ZNF451: variants seen among roughly 807,000 people sequenced by gnomAD.
ZNF451 encodes E3 SUMO-protein ligase ZNF451.
In ZNF451, 80 loss-of-function variants were observed where a neutral mutation model predicts 107.1. The ratio of observed to expected loss-of-function variants is 0.75; its 90% CI spans 0.62 to 0.90. ZNF451 has a LOEUF of 0.90. Among genes scored for constraint, ZNF451 ranks in the 40% least tolerant of loss-of-function variants. The pLI is 0.00. For synonymous variants in ZNF451, 362 were observed against 406.5 expected (o/e 0.89, Z 1.32); for missense variants, 1,107 against 1,236.2 (o/e 0.90, Z 1.57).
chr6:57,096,333 C>G (rs1285017119), intron 2 of ZNF451, among the ~76,000 whole-genome samples: 1 of 151,266 alleles, frequency 6.6e-6, no homozygotes, highest in African/African-American at 2.4e-5. Flanking sequence ...TAGAGGCGCC[C>G]ACCACCATGC....
chr6:57,118,320 G>C (rs1458342144), intron 3 of ZNF451, among the ~76,000 whole-genome samples: 1 of 151,960 alleles, frequency 6.6e-6, no homozygotes, highest in East Asian at 1.9e-4. Context: ...TTTTGTTAAA[G>C]TTTAAAACCT....
At chr6:57,113,243 G>C (rs912450981) in intron 3 of ZNF451, among the ~76,000 whole-genome samples, 2 of 150,918 alleles carry the variant, frequency 1.3e-5, no homozygotes, top group African/African-American at 4.9e-5. Flanking sequence ...GCAGTATTTG[G>C]TTTTCTGTTC....
chr6:57,168,393 AGT>A, intron 14 of ZNF451, 28 bp from the exon 15 acceptor site: 1 of 1,530,236 alleles, frequency 6.5e-7, no homozygotes, highest in Non-Finnish European at 9.0e-7. Context: ...TTCTGCCCTA[AGT>A]GTTAAAATTC....
chr6:57,150,958 A>C, intron 11 of ZNF451, 96 bp downstream of exon 11: 1 of 1,369,964 alleles, frequency 7.3e-7, no homozygotes. Flanking sequence ...TGGATAGAAC[A>C]TAGGAACATA....
At chr6:57,167,182 TACACACAC>T (rs397975599) in intron 14 of ZNF451, among the ~76,000 whole-genome samples, 1 of 149,838 alleles carries the variant, frequency 6.7e-6, no homozygotes, top group African/African-American at 2.5e-5. Flanking sequence ...CGTATATATA[TACACACAC>T]ACACACACAC....
At chr6:57,150,500 A>G in intron 10 of ZNF451, 1 of 395,098 alleles carries the variant, frequency 2.5e-6, no homozygotes, top group Non-Finnish European at 4.4e-6. Context: ...AGAAGGATAT[A>G]TAACCAAAAT....
chr6:57,144,265 G>T (rs1156342469), intron 9 of ZNF451, among the ~76,000 whole-genome samples: 1 of 141,568 alleles, frequency 7.1e-6, no homozygotes, highest in African/African-American at 2.7e-5. Flanking sequence ...TTTAAAGATA[G>T]GGTCTCTGTC....
At chr6:57,134,980 G>A in intron 7 of ZNF451, 110 bp downstream of exon 7, 2 of 855,282 alleles carry the variant, frequency 2.3e-6, no homozygotes, top group Non-Finnish European at 1.7e-6. Context: ...ATACACATAA[G>A]TATCAAAACT....
chr6:57,109,119 A>T, intron 3 of ZNF451: 3 of 985,410 alleles, frequency 3.0e-6, no homozygotes, highest in Non-Finnish European at 3.6e-6. Flanking sequence ...CACTTGTCAC[A>T]TCAGGAACCC....
chr6:57,113,865 C>T (rs1205449009), intron 3 of ZNF451, among the ~76,000 whole-genome samples: 1 of 152,124 alleles, frequency 6.6e-6, no homozygotes, highest in Non-Finnish European at 1.5e-5. Flanking sequence ...TCGTGATCTG[C>T]CCACCTCGGC....
At chr6:57,130,455 C>T (rs1486276584) in intron 5 of ZNF451, among the ~76,000 whole-genome samples, 2 of 152,056 alleles carry the variant, frequency 1.3e-5, no homozygotes, top group Non-Finnish European at 2.9e-5. Context: ...TAAACAGATG[C>T]CTACACCTTA....
chr6:57,150,148 T>C (rs776017593), intron 10 of ZNF451, among the ~76,000 whole-genome samples: 29 of 151,998 alleles, frequency 1.9e-4, no homozygotes, highest in Non-Finnish European at 3.1e-4. Flanking sequence ...CAAGAAGATG[T>C]GTTTATAGGG....
chr6:57,106,977 A>C lies in ZNF451; in HGVS notation c.186+7836A>C, dbSNP rs2127945554. 8 of 926,634 alleles carry C rather than the reference A, an allele frequency of 8.6e-6. No individual in the cohort carries two copies. The South Asian group carries it at 3.5e-4, about 41-fold the overall frequency. 57.4% of individuals were successfully genotyped at this position (926,634 alleles called of 1,614,324 possible). ...GAAATTTCCCTTCCTGGATGAACAG[A>C]ATATTGTTTTATTAAATCTTCTCTT... On this transcript the variant is annotated intron_variant, in intron 3 of 14. Coordinates refer to ENST00000370706, the MANE Select transcript of ZNF451 (RefSeq NM_001031623.3).
At chr6:57,116,942 A>C (rs983279200) in intron 3 of ZNF451, 6 of 152,022 alleles carry the variant, frequency 3.9e-5, no homozygotes, top group African/African-American at 9.7e-5. Flanking sequence ...ACAAAACAAA[A>C]AAAAAAAAAA....
At chr6:57,109,635 ATGT>A in intron 3 of ZNF451, 1 of 985,398 alleles carries the variant, frequency 1.0e-6, no homozygotes, top group Non-Finnish European at 1.2e-6. Flanking sequence ...CCATGTGATC[ATGT>A]TCCCCTTTAT....
At chr6:57,123,603 A>G (rs1194171782) in intron 3 of ZNF451, among the ~76,000 whole-genome samples, 3 of 152,108 alleles carry the variant, frequency 2.0e-5, no homozygotes, top group African/African-American at 7.2e-5. Context: ...TAGAAGGCCA[A>G]ACTTCGGCAC....
intron 9 of ZNF451, among the ~76,000 whole-genome samples, chr6:57,144,539 C>CCGTGAATTATATCT (rs1831962910): frequency 6.6e-6 from 1 of 152,064 alleles, no homozygotes; most frequent in African/African-American, 2.4e-5. Context: ...CCGCGCCTAG[C>CCGTGAATTATATCT]CGTGAATTAT....
In ZNF451 at chr6:57,134,223, C is replaced by G. The variant is rs941569330; in HGVS notation, c.576-521C>G. The G allele has an allele frequency of 3.9e-5, 6 of 152,198 alleles. 1 individual carries two copies. The highest frequency in any genetic ancestry group is 1.5e-4 in the African/African-American group (6 of 41,356). 9.4% of individuals were successfully genotyped at this position (152,198 alleles called of 1,614,324 possible). ...GTAAAGTCAAAGCTGGACCTGGGGT[C>G]GGGGAGGGAACAAAATTTGATAGCA... is the stretch of plus-strand genomic sequence containing the variant. On this transcript the variant is annotated intron_variant, in intron 6 of 14. Transcript: ENST00000370706.
chr6:57,138,545 A>C lies in ZNF451; in HGVS notation c.703-2757A>C, dbSNP rs1593142069. On this transcript the variant is annotated intron_variant, in intron 7 of 14. Transcript: ENST00000370706. ...CCAAAGTGCTGGGATTACAGGCATG[A>C]GCCATCATGCCCAGCCCTACTTTTT... Among the ~76,000 whole-genome samples, 3 of 151,632 alleles carry C rather than the reference A, an allele frequency of 2.0e-5. No homozygotes were observed. In the East Asian group the frequency reaches 5.8e-4, roughly 29 times the overall value.
Sources: allele counts gnomAD v4.1 joint callset (sites outside exome capture counted in the v4.1 genomes callset), GRCh38; gene constraint gnomAD v4.1.1; transcripts MANE v1.5; gene names NCBI Gene and HGNC (gene_info 2026-07-23, HGNC 2026-07-21).